Variants in RPS6KA2 observed in about 807,000 individuals in gnomAD.
RPS6KA2 encodes the protein ribosomal protein S6 kinase alpha-2.
Under a neutral mutation model 91.8 loss-of-function variants are expected in RPS6KA2, and 42 were observed. That is an observed-to-expected ratio of 0.46 (90% confidence interval 0.36 to 0.59). The LOEUF is 0.59. RPS6KA2 is among the 20% of genes least tolerant of loss of function. RPS6KA2 has a pLI of 0.00. For missense variants in RPS6KA2, 798 were observed against 978.5 expected (o/e 0.82, Z 2.46); for synonymous variants, 414 against 393.6 (o/e 1.05, Z -0.61).
chr6:166,653,973 C>T (rs751534666), intron 2 of RPS6KA2, among the ~76,000 whole-genome samples: 12 of 152,210 alleles, frequency 7.9e-5, no homozygotes, highest in Non-Finnish European at 1.6e-4. Context: ...TTCTCTCCCA[C>T]CTCTCACTGT....
At chr6:166,589,998 G>C (rs1309735100) in intron 1 of RPS6KA2, among the ~76,000 whole-genome samples, 2 of 152,124 alleles carry the variant, frequency 1.3e-5, no homozygotes, top group Non-Finnish European at 2.9e-5. Context: ...AAGGGCCCCT[G>C]GGCAGCTTGA....
intron 1 of RPS6KA2, among the ~76,000 whole-genome samples, chr6:166,624,623 T>C (rs1038107771): frequency 1.3e-5 from 2 of 152,158 alleles, no homozygotes; most frequent in African/African-American, 4.8e-5. Context: ...TTGGACACAG[T>C]ATCCAGAAAA....
At chr6:166,652,010 T>A (rs374251505) in intron 2 of RPS6KA2, among the ~76,000 whole-genome samples, 1 of 152,382 alleles carries the variant, frequency 6.6e-6, no homozygotes, top group East Asian at 1.9e-4. Flanking sequence ...AACCCTTTAT[T>A]TACTTCTGCT....
intron 3 of RPS6KA2, among the ~76,000 whole-genome samples, chr6:166,521,109 G>T (rs1015040846): frequency 6.6e-6 from 1 of 152,360 alleles, no homozygotes; most frequent in East Asian, 1.9e-4. Flanking sequence ...CTTCTGGAGG[G>T]AGCAGGTGGC....
chr6:166,671,728 T>G (rs1745367444), intron 2 of RPS6KA2, among the ~76,000 whole-genome samples: 1 of 152,158 alleles, frequency 6.6e-6, no homozygotes, highest in Non-Finnish European at 1.5e-5. Flanking sequence ...GATATCAGGC[T>G]GAGTCTGAAA....
At chr6:166,676,434 G>A (rs9459712) in intron 2 of RPS6KA2, among the ~76,000 whole-genome samples, 2,474 of 152,252 alleles carry the variant, frequency 0.016, 32 homozygotes, top group Non-Finnish European at 0.028. Flanking sequence ...AAGTGTGGCC[G>A]GTTGATCTCC....
In RPS6KA2 at chr6:166,666,529, A is replaced by C. The variant is rs1788320973; in HGVS notation, c.124-127745T>G. Among the ~76,000 whole-genome samples the C allele has an allele frequency of 6.6e-6, 1 of 152,252 alleles. No individual in the cohort carries two copies. The highest frequency in any genetic ancestry group is 1.5e-5 in the Non-Finnish European group (1 of 68,040). ...ACGCCAGTCACTAATCCTTAGGGAA[A>C]TGCAAATCAACACCACAAGCAAATC... On this transcript the variant is annotated intron_variant, in intron 2 of 21. Transcript: ENST00000503859. The surrounding 1 kb of genome is among the most constrained non-coding windows in gnomAD (Gnocchi z 4.0).
Position 166,770,074 on chromosome 6 carries a change from T to C in RPS6KA2, c.123+88126A>G, listed in dbSNP as rs1778424482. 6.6e-6 allele frequency among the ~76,000 whole-genome samples: 1 copy of C among 152,188 alleles called. No homozygotes were observed. The highest frequency in any genetic ancestry group is 1.5e-5 in the Non-Finnish European group (1 of 68,038). On this transcript the variant is annotated intron_variant, in intron 2 of 21. Transcript: ENST00000503859. The surrounding 1 kb of genome is among the most constrained non-coding windows in gnomAD (Gnocchi z 5.1). ...CCAGAAACCAACTTCCAATGACCCGTTTGGCACCTACAAGGAGCAGGCCCA... is the reference window on the plus strand; with the variant it reads ...CCAGAAACCAACTTCCAATGACCCGCTTGGCACCTACAAGGAGCAGGCCCA...
chr6:166,745,214 C>A (rs146719216), intron 2 of RPS6KA2, among the ~76,000 whole-genome samples: 197 of 149,106 alleles, frequency 1.3e-3, no homozygotes, highest in African/African-American at 4.6e-3. Flanking sequence ...TGCAGTGGCG[C>A]CATCTCGGCT....
At chr6:166,416,023 T>TCACCATCATCTTCACCACCTC (rs1191736613) in intron 19 of RPS6KA2, among the ~76,000 whole-genome samples, 4 of 111,858 alleles carry the variant, frequency 3.6e-5, no homozygotes, top group Non-Finnish European at 7.2e-5. Flanking sequence ...ACCATTACGC[T>TCACCATCATCTTCACCACCTC]CACCATCATC....
chr6:166,812,702 G>A (rs1219033836), intron 2 of RPS6KA2, among the ~76,000 whole-genome samples: 1 of 152,176 alleles, frequency 6.6e-6, no homozygotes, highest in African/African-American at 2.4e-5. Flanking sequence ...ATAATTTTAT[G>A]CCAAAAACTT....
intron 2 of RPS6KA2, among the ~76,000 whole-genome samples, chr6:166,785,379 T>C (rs551145222): frequency 2.0e-5 from 3 of 152,242 alleles, no homozygotes; most frequent in Admixed American, 1.3e-4. Flanking sequence ...AAGATGTGTA[T>C]AGGGCAGGGA....
chr6:166,695,117 T>C (rs1285656994), intron 2 of RPS6KA2, among the ~76,000 whole-genome samples: 1 of 152,148 alleles, frequency 6.6e-6, no homozygotes, highest in Non-Finnish European at 1.5e-5. Context: ...ATGAATACAG[T>C]TGATATGGCT....
chr6:166,837,749 A>G (rs9347159), intron 2 of RPS6KA2, among the ~76,000 whole-genome samples: 112,079 of 152,120 alleles, frequency 0.74, 42,710 homozygotes, highest in Middle Eastern at 0.92. Flanking sequence ...TGCTCCCGAT[A>G]AGTTCAGGGA....
At chr6:166,775,410 C>A (rs1393559030) in intron 2 of RPS6KA2, among the ~76,000 whole-genome samples, 1 of 152,116 alleles carries the variant, frequency 6.6e-6, no homozygotes, top group Non-Finnish European at 1.5e-5. Flanking sequence ...CACTCCGAGG[C>A]GCGTGCAGCC....
At chr6:166,793,933 C>T (rs1238463771) in intron 2 of RPS6KA2, among the ~76,000 whole-genome samples, 1 of 147,818 alleles carries the variant, frequency 6.8e-6, no homozygotes, top group East Asian at 2.0e-4. Flanking sequence ...CCATTCAGGA[C>T]ATAGGCATGG....
intron 1 of RPS6KA2, among the ~76,000 whole-genome samples, chr6:166,583,361 C>T (rs549156264): frequency 2.2e-4 from 33 of 152,282 alleles, no homozygotes; most frequent in Non-Finnish European, 3.2e-4. Flanking sequence ...CTGTGATCTG[C>T]GGAAACGGCT....
Position 166,577,810 on chromosome 6 carries a change from C to T in RPS6KA2, c.100-39026G>A, listed in dbSNP as rs532715876. Among the ~76,000 whole-genome samples, 386 of 152,130 alleles carry T rather than the reference C, an allele frequency of 2.5e-3. 2 individuals carry two copies. Among genetic ancestry groups the T allele is most frequent in the African/African-American group, 8.7e-3 (363 of 41,496 alleles). On this transcript the variant is annotated intron_variant, in intron 1 of 20. Transcript: ENST00000265678. ...GTGAGGACATGAAATTTGGAGGGGC[C>T]TGGGCGGAATGATATAGTTTGGTTC... is the stretch of plus-strand genomic sequence containing the variant.
At position 166,585,995 on chromosome 6, in the gene RPS6KA2, C is replaced by T. The variant is rs1274187639; in HGVS notation, c.99+40926G>A. ...GTAAGATCTATTTTTTTTAAAGTCT[C>T]AACTTCCAAAAAATCAATAATCCAT... is the stretch of plus-strand genomic sequence containing the variant. On this transcript the variant is annotated intron_variant, in intron 1 of 20. Coordinates refer to ENST00000265678, the MANE Select transcript of RPS6KA2 (RefSeq NM_021135.6). 5.5e-5 allele frequency: 28 copies of T among 505,070 alleles called. 1 individual carries two copies. The highest frequency in any genetic ancestry group is 8.3e-5 in the Non-Finnish European group (27 of 327,176). The allele number at this position is 505,070 out of a possible 1,614,324, so 31.3% of individuals were successfully genotyped here. A position where few individuals can be genotyped will look rare whatever the true frequency, so the allele number is the denominator to read the frequency against.
Sources: allele counts gnomAD v4.1 joint callset (sites outside exome capture counted in the v4.1 genomes callset), GRCh38; gene constraint gnomAD v4.1.1; non-coding constraint Gnocchi (gnomAD v3.1); transcripts MANE v1.5; gene names NCBI Gene and HGNC (gene_info 2026-07-23, HGNC 2026-07-21).